Variants in CCHCR1 observed in about 807,000 individuals in gnomAD.
The protein encoded by CCHCR1 is coiled-coil alpha-helical rod protein 1.
A neutral mutation model predicts 114.6 loss-of-function variants in CCHCR1; 91 were observed. That is an observed-to-expected ratio of 0.79 (90% CI 0.67 to 0.94). The LOEUF is 0.94. CCHCR1 is among the 40% of genes least tolerant of loss of function. The probability of loss-of-function intolerance (pLI) is 0.00; values close to 1 mark genes in which losing one functional copy is unlikely to be tolerated. For missense variants in CCHCR1, 899 were observed against 1,079.9 expected (o/e 0.83, Z 2.35); for synonymous variants, 379 against 428.5 (o/e 0.88, Z 1.43).
rs761483490 is a variant in CCHCR1 at position 31,144,636 on chromosome 6, C to G, written c.2167+51G>C. 5.0e-6 allele frequency: 6 copies of G among 1,191,088 alleles called. No homozygotes were observed. The allele number at this position is 1,191,088 out of a possible 1,614,324, so 73.8% of individuals were successfully genotyped here. A position where few individuals can be genotyped will look rare whatever the true frequency, so the allele number is the denominator to read the frequency against. On this transcript the variant is annotated intron_variant, in intron 15 of 17. Coordinates refer to ENST00000396268, the MANE Select transcript of CCHCR1 (RefSeq NM_001105564.2). This position sits in a 1 kb window ranked among gnomAD's most constrained non-coding sequence, Gnocchi z 4.6. ...TGAGGGGAAAATAATAACCTTATGT[C>G]TTAACACTTCCTTCTTCCTGGAAGG...
rs1375452858 is a variant in CCHCR1 at position 31,154,757 on chromosome 6, A to G, written c.540T>C (p.Ala180=). Residue 180 remains alanine, a synonymous_variant, in exon 4 of 18, where the codon GCT becomes GCC. Coordinates refer to ENST00000396268, the MANE Select transcript of CCHCR1 (RefSeq NM_001105564.2). The surrounding 1 kb of genome is among the most constrained non-coding windows in gnomAD (Gnocchi z 4.1). ...CTTGCAGCTGCCGAACGATCACCTC[A>G]GCCTGCTGGCTCAGGGCCTGTGACC... ...LEGSQALSQQ[A]EVIVRQLQEL... 1.9e-6 allele frequency: 3 copies of G among 1,606,440 alleles called. No homozygotes were observed. The highest frequency in any genetic ancestry group is 1.7e-4 in the Middle Eastern group (1 of 6,060).
Position 31,157,033 on chromosome 6 carries a change from A to G in CCHCR1, c.273T>C (p.Phe91=), listed in dbSNP as rs1375267663. 6.2e-7 allele frequency: 1 copy of G among 1,612,450 alleles called. No individual in the cohort carries two copies. Among genetic ancestry groups the G allele is most frequent in the Non-Finnish European group, 8.5e-7 (1 of 1,179,652 alleles). The change falls in exon 2 of 18, where the codon TTT becomes TTC. Residue 91 remains phenylalanine (F), a synonymous_variant. Transcript: ENST00000396268. ...TCTGGTCCCACTGACCTGAAGGTGGAAACATCTCCACATTATTTGAAGGCT... is the reference window on the plus strand; with the variant it reads ...TCTGGTCCCACTGACCTGAAGGTGGGAACATCTCCACATTATTTGAAGGCT... ...NLEPSNNVEM[F]PPSGSTGLIP...
Position 31,148,692 on chromosome 6 carries a change from G to T in CCHCR1, c.1399C>A (p.Gln467Lys). Residue 467 changes from glutamine to lysine, a missense_variant, in exon 9 of 18, where the codon CAG (glutamine) becomes AAG (lysine). Physicochemically the swap from Gln to Lys is moderately conservative, Grantham distance 53. Transcript: ENST00000396268. ...SLQEKVTSQS[Q>K]EQAILQRSLQ... Reference sequence around the variant, plus strand: ...GATCGCTGCAGGATGGCCTGCTCCTGGCTCTGGGATGTCACTTTTTCCTGG... The same window carrying T: ...GATCGCTGCAGGATGGCCTGCTCCTTGCTCTGGGATGTCACTTTTTCCTGG... The T allele has an allele frequency of 6.2e-7, 1 of 1,612,934 alleles. No individual in the cohort carries two copies. Among genetic ancestry groups the T allele is most frequent in the Non-Finnish European group, 8.5e-7 (1 of 1,179,918 alleles).
Position 31,156,919 on chromosome 6 carries a change from G to C in CCHCR1, c.309C>G (p.Ser103=). The C allele has an allele frequency of 6.2e-7, 1 of 1,612,946 alleles. No homozygotes were observed. The change falls in exon 3 of 18, where the codon TCC becomes TCG. Residue 103 remains serine (S), a synonymous_variant. Transcript: ENST00000396268. ...PSGSTGLIPP[S]HFQARPLSTL... is the part of the protein sequence containing the mutation. ...TTGAAAGGGGCCGAGCTTGAAAGTG[G>C]GAGGGGGGAATCAGCCCAGTGGAAC...
rs1343858724 is a variant in CCHCR1, at chr6:31,157,649, C to T, written c.-49G>A. ...CCTTGGGAATCCAGGCCGCCTAGAT[C>T]CCCAGGCAGAAAAGCCAGCGTCCTG... is the stretch of plus-strand genomic sequence containing the variant. On this transcript the variant is annotated 5_prime_UTR_variant, in exon 1 of 18. Transcript: ENST00000396268. The T allele has an allele frequency of 6.1e-6, 9 of 1,480,048 alleles. No homozygotes were observed. Among genetic ancestry groups the T allele is most frequent in the Non-Finnish European group, 8.3e-6 (9 of 1,083,200 alleles). The allele number at this position is 1,480,048 out of a possible 1,614,324, so 91.7% of individuals were successfully genotyped here.
At position 31,151,646 on chromosome 6, in the gene CCHCR1, G is replaced by T. The variant is rs1277955558; in HGVS notation, c.802-524C>A. Among the ~76,000 whole-genome samples the T allele has an allele frequency of 6.6e-6, 1 of 152,058 alleles. No individual in the cohort carries two copies. Among genetic ancestry groups the T allele is most frequent in the Non-Finnish European group, 1.5e-5 (1 of 68,020 alleles). On this transcript the variant is annotated intron_variant, in intron 4 of 17. Transcript: ENST00000396268. The surrounding 1 kb of genome is among the most constrained non-coding windows in gnomAD (Gnocchi z 4.1). ...TGGCTTCACTGGGCCCTCTAATACC[G>T]TCCCTCCCCACCCTACTCTGCCCCA...
Position 31,154,725 on chromosome 6 carries a change from C to T in CCHCR1, c.572G>A (p.Arg191Gln), listed in dbSNP as rs130075. 83,004 of 1,608,316 alleles carry T rather than the reference C, an allele frequency of 0.052. 2,896 individuals are homozygous for T. Among genetic ancestry groups the T allele is most frequent in the African/African-American group, 0.14 (10,694 of 75,032 alleles). The change falls in exon 4 of 18, where the codon CGG (arginine) becomes CAG (glutamine). Residue 191 changes from arginine to glutamine, a missense_variant. Coordinates refer to ENST00000396268, the MANE Select transcript of CCHCR1 (RefSeq NM_001105564.2). This position sits in a 1 kb window ranked among gnomAD's most constrained non-coding sequence, Gnocchi z 4.1. ...EVIVRQLQEL[R>Q]RLEEEVRLLR... ...GAGCCGGACCTCCTCCTCCAGCCGC[C>T]GCAGCTCTTGCAGCTGCCGAACGAT...
Position 31,143,549 on chromosome 6 carries a change from C to G in CCHCR1, c.2168-136G>C, listed in dbSNP as rs1418248620. Reference sequence around the variant, plus strand: ...GCTGTTCTGCTCTGTGGATCTGTCTCTTCTGTACAGTTGGAGGGGTGGGCT... The same window carrying G: ...GCTGTTCTGCTCTGTGGATCTGTCTGTTCTGTACAGTTGGAGGGGTGGGCT... On this transcript the variant is annotated intron_variant, in intron 15 of 17. Coordinates refer to ENST00000396268, the MANE Select transcript of CCHCR1 (RefSeq NM_001105564.2). The surrounding 1 kb of genome is among the most constrained non-coding windows in gnomAD (Gnocchi z 5.3). 2 of 884,376 alleles carry G rather than the reference C, an allele frequency of 2.3e-6. No homozygotes were observed. The highest frequency in any genetic ancestry group is 3.4e-5 in the African/African-American group (2 of 59,218). The allele number at this position is 884,376 out of a possible 1,614,324, so 54.8% of individuals were successfully genotyped here. A position where few individuals can be genotyped will look rare whatever the true frequency, so the allele number is the denominator to read the frequency against.
intron 8 of CCHCR1, chr6:31,149,403 A>G (rs1316450565): frequency 6.6e-6 from 1 of 152,214 alleles, no homozygotes; most frequent in East Asian, 1.9e-4. Context: ...CTCACCCCAC[A>G]GTCTCTCCGT....
Position 31,145,259 on chromosome 6 carries a change from G to GC in CCHCR1, c.1782dup (p.Gln595AlafsTer59). On this transcript the variant is annotated frameshift_variant, in exon 13 of 18. Transcript: ENST00000396268. LOFTEE classifies it high-confidence loss of function. ...CGGTTCCGTTCTTCCCGCAACTGCT[G>GC]CAACTCAAGGCTCACGTCTGTGACC... 6.2e-7 allele frequency: 1 copy of GC among 1,613,966 alleles called. No individual in the cohort carries two copies. Among genetic ancestry groups the GC allele is most frequent in the Non-Finnish European group, 8.5e-7 (1 of 1,179,982 alleles).
intron 8 of CCHCR1, 128 bp downstream of exon 8, chr6:31,149,938 A>T: frequency 1.1e-6 from 1 of 897,336 alleles, no homozygotes; most frequent in Non-Finnish European, 1.7e-6. Context: ...TCCACATTTT[A>T]GTTTTGTTCA....
rs150100192 is a variant in CCHCR1 at position 31,144,065 on chromosome 6, AC to A, written c.2167+621del. Among the ~76,000 whole-genome samples, 10,158 of 152,020 alleles carry A rather than the reference AC, an allele frequency of 0.067. 489 individuals are homozygous for A. The highest frequency in any genetic ancestry group is 0.14 in the African/African-American group (5,719 of 41,422). On this transcript the variant is annotated intron_variant, in intron 15 of 17. Transcript: ENST00000396268. This position sits in a 1 kb window ranked among gnomAD's most constrained non-coding sequence, Gnocchi z 4.6. ...GAGGAAGACTCTGTCTCAAACAACAACAACAACAAAACATTAAATGATTACA... is the reference window on the plus strand; with the variant it reads ...GAGGAAGACTCTGTCTCAAACAACAAAACAACAAAACATTAAATGATTACA...
At position 31,145,032 on chromosome 6, in the gene CCHCR1, G is replaced by C. The variant is rs1774110700; in HGVS notation, c.1918C>G (p.Leu640Val). 6.2e-7 allele frequency: 1 copy of C among 1,604,418 alleles called. No homozygotes were observed. Among genetic ancestry groups the C allele is most frequent in the East Asian group, 2.2e-5 (1 of 44,866 alleles). The part of the protein sequence containing the change: ...RQQLSKVAQQ[L>V]EQELQQTQES... ...TGGGTCTGCTGCAGCTCCTGCTCCA[G>C]CTGCTGGGCCACCTTGCTCAGCTGC... The change falls in exon 14 of 18, where the codon CTG (leucine) becomes GTG (valine). Residue 640 changes from leucine (L) to valine (V), a missense_variant. Transcript: ENST00000396268.
chr6:31,142,541 T>C lies in CCHCR1; in HGVS notation c.*51A>G. The C allele has an allele frequency of 6.3e-7, 1 of 1,583,410 alleles. No individual in the cohort carries two copies. The highest frequency in any genetic ancestry group is 1.3e-5 in the African/African-American group (1 of 74,588). On this transcript the variant is annotated 3_prime_UTR_variant, in exon 18 of 18. Transcript: ENST00000396268. ...GGGCTGGTCTGTCCCCACCCACTTC[T>C]CCAGGATCCTCCCAGCCCCCAGGCT...
chr6:31,153,098 C>T (rs989801500), intron 4 of CCHCR1, among the ~76,000 whole-genome samples: 1 of 152,134 alleles, frequency 6.6e-6, no homozygotes, highest in East Asian at 1.9e-4. Context: ...CTGCCTCAGC[C>T]TCCCAAGAAG....
chr6:31,150,948 C>T lies in CCHCR1; in HGVS notation c.965+11G>A, dbSNP rs201228352. The T allele has an allele frequency of 6.7e-5, 108 of 1,612,152 alleles. No individual in the cohort carries two copies. Among genetic ancestry groups the T allele is most frequent in the South Asian group, 1.2e-4 (11 of 91,034 alleles). On this transcript the variant is annotated intron_variant, in intron 5 of 17. Transcript: ENST00000396268. The surrounding 1 kb of genome is among the most constrained non-coding windows in gnomAD (Gnocchi z 5.3). ...TAATTGCTGGGCTCCCGTCGGCGTC[C>T]GCCCACCTACCTCAGCTGCTTCCGA...
intron 10 of CCHCR1, among the ~76,000 whole-genome samples, chr6:31,146,035 G>A (rs950120728): frequency 6.6e-5 from 10 of 152,138 alleles, no homozygotes; most frequent in African/African-American, 1.9e-4. Context: ...GCTCACTATC[G>A]TGTATCAAAG....
rs2150989285 is a variant in CCHCR1 at position 31,143,271 on chromosome 6, G to A, written c.2310C>T (p.Asn770=). 1 of 1,612,674 alleles carries A rather than the reference G, an allele frequency of 6.2e-7. No homozygotes were observed. Among genetic ancestry groups the A allele is most frequent in the Non-Finnish European group, 8.5e-7 (1 of 1,180,014 alleles). The part of the protein sequence containing the change: ...RRLQELERDK[N]LMLATLQQEG... ...CCCTCCTGTCTCCTACCAGCATGAG[G>A]TTCTTATCCCTCTCTAGCTCCTGCA... The change falls in exon 16 of 18, where the codon AAC becomes AAT. Residue 770 remains asparagine, a synonymous_variant. Coordinates refer to ENST00000396268, the MANE Select transcript of CCHCR1 (RefSeq NM_001105564.2). This position sits in a 1 kb window ranked among gnomAD's most constrained non-coding sequence, Gnocchi z 5.3.
chr6:31,153,358 A>G (rs1775525667), intron 4 of CCHCR1, among the ~76,000 whole-genome samples: 1 of 151,950 alleles, frequency 6.6e-6, no homozygotes, highest in African/African-American at 2.4e-5. Context: ...ACCAATTTCT[A>G]GGCACACATT....
Sources: gnomAD v4.1 joint callset for allele counts (sites outside exome capture counted in the v4.1 genomes callset) on GRCh38, gnomAD v4.1.1 for gene constraint, Gnocchi (gnomAD v3.1) non-coding constraint, MANE v1.5 for transcripts, NCBI Gene and HGNC (gene_info 2026-07-23, HGNC 2026-07-21) for gene names.